Variants in JAK1 observed in about 807,000 individuals in gnomAD.
JAK1 encodes Janus kinase 1.
Under a neutral mutation model 136.6 loss-of-function variants are expected in JAK1, and 16 were observed. The ratio of observed to expected loss-of-function variants is 0.12; its 90% CI spans 0.08 to 0.18. The LOEUF is 0.18. JAK1 is among the 10% of genes least tolerant of loss of function. JAK1 has a pLI of 1.00. For synonymous variants in JAK1, 492 were observed against 519.5 expected, an observed-to-expected ratio of 0.95 and a Z score of 0.72; for missense variants, 859 against 1,450.1, an observed-to-expected ratio of 0.59 and a Z score of 6.62.
chr1:65,001,330 C>CTTTTA (rs1646754385), intron 2 of JAK1, among the ~76,000 whole-genome samples: 2 of 152,356 alleles, frequency 1.3e-5, no homozygotes, highest in Admixed American at 6.5e-5. Context: ...GGCCCAGCCT[C>CTTTTA]CGCCAGCAGA....
At chr1:64,897,237 C>A (rs1171353442) in intron 1 of JAK1, among the ~76,000 whole-genome samples, 1 of 151,548 alleles carries the variant, frequency 6.6e-6, no homozygotes. Context: ...TGAGACCAGC[C>A]TGGCCAACAT....
intron 1 of JAK1, among the ~76,000 whole-genome samples, chr1:64,928,788 A>AAAAACC (rs1553170009): frequency 2.3e-3 from 208 of 90,598 alleles, no homozygotes; most frequent in African/African-American, 9.5e-3. Flanking sequence ...CAAAAAAAAA[A>AAAAACC]AAAAAAAACA....
chr1:64,968,304 A>G (rs1251485419), upstream of JAK1, among the ~76,000 whole-genome samples: 1 of 152,136 alleles, frequency 6.6e-6, no homozygotes, highest in Non-Finnish European at 1.5e-5. Flanking sequence ...GAAAAAAAAA[A>G]TAGACTAGGT....
chr1:64,951,313 T>G (rs1167341119), intron 1 of JAK1, among the ~76,000 whole-genome samples: 1 of 152,186 alleles, frequency 6.6e-6, no homozygotes, highest in African/African-American at 2.4e-5. Flanking sequence ...TGTGTGGCAA[T>G]ATTCCTCTTT....
intron 2 of JAK1, 136 bp from the exon 3 acceptor site, chr1:64,883,611 T>G: frequency 1.6e-6 from 1 of 625,362 alleles, no homozygotes; most frequent in Non-Finnish European, 2.8e-6. Context: ...CCCTGCCCCT[T>G]CCCTTCCTGG....
chr1:64,963,673 C>T (rs1220656931), intron 1 of JAK1, among the ~76,000 whole-genome samples: 2 of 152,100 alleles, frequency 1.3e-5, no homozygotes, highest in Admixed American at 1.3e-4. Flanking sequence ...GACTTCCCCC[C>T]AAAACTCTGC....
intron 2 of JAK1, among the ~76,000 whole-genome samples, chr1:65,016,853 G>A (rs554542506): frequency 1.1e-4 from 16 of 152,194 alleles, no homozygotes; most frequent in South Asian, 6.2e-4. Flanking sequence ...AGCCGAGATC[G>A]CGCCACTGCC....
chr1:64,968,478 G>A (rs568196418), upstream of JAK1, among the ~76,000 whole-genome samples: 15 of 152,242 alleles, frequency 9.9e-5, no homozygotes, highest in South Asian at 6.2e-4. Flanking sequence ...AGGAGGTAGC[G>A]GCATATTCAG....
chr1:65,004,412 G>C (rs972837986), intron 2 of JAK1, among the ~76,000 whole-genome samples: 1 of 152,168 alleles, frequency 6.6e-6, no homozygotes, highest in Non-Finnish European at 1.5e-5. Context: ...GAAACTGCTG[G>C]ACTCGTGAGT....
chr1:64,981,279 A>G (rs1451807770), intron 2 of JAK1, among the ~76,000 whole-genome samples: 2 of 152,264 alleles, frequency 1.3e-5, no homozygotes, highest in South Asian at 2.1e-4. Flanking sequence ...CACAGTATTT[A>G]TTGCCTACAT....
chr1:64,889,956 A>G (rs1644910643), intron 1 of JAK1, among the ~76,000 whole-genome samples: 1 of 152,250 alleles, frequency 6.6e-6, no homozygotes. Flanking sequence ...CTATGGATAT[A>G]AAAGAAACCA....
At position 64,886,296 on chromosome 1, in the gene JAK1, A is replaced by C; in HGVS notation, c.-32T>G. 1 of 1,594,256 alleles carries C rather than the reference A, an allele frequency of 6.3e-7. No homozygotes were observed. The highest frequency in any genetic ancestry group is 8.5e-7 in the Non-Finnish European group (1 of 1,173,538). Reference sequence around the variant, plus strand: ...AGCTGTCCAGTGTTCTCCAAGAAGCAAACTGGATTTTCTTCTCTACTTTCC... The same window carrying C: ...AGCTGTCCAGTGTTCTCCAAGAAGCCAACTGGATTTTCTTCTCTACTTTCC... On this transcript the variant is annotated 5_prime_UTR_variant, in exon 2 of 25. Transcript: ENST00000342505.
At chr1:65,024,568 A>C (rs985527000) in intron 2 of JAK1, among the ~76,000 whole-genome samples, 1 of 149,984 alleles carries the variant, frequency 6.7e-6, no homozygotes, top group East Asian at 2.0e-4. Flanking sequence ...CCCAACCTAC[A>C]TTATTAGCTT....
chr1:65,028,959 A>T (rs1251637990), intron 2 of JAK1, among the ~76,000 whole-genome samples: 1 of 152,264 alleles, frequency 6.6e-6, no homozygotes, highest in Non-Finnish European at 1.5e-5. Flanking sequence ...ATTTGATAGT[A>T]AAAATATGAA....
intron 1 of JAK1, among the ~76,000 whole-genome samples, chr1:64,887,053 C>A (rs1644863360): frequency 6.6e-6 from 1 of 152,124 alleles, no homozygotes; most frequent in African/African-American, 2.4e-5. Flanking sequence ...TCTGAGGCCA[C>A]GAGGCCAGCA....
chr1:64,894,399 T>A (rs1644982835), intron 1 of JAK1, among the ~76,000 whole-genome samples: 1 of 152,216 alleles, frequency 6.6e-6, no homozygotes, highest in Non-Finnish European at 1.5e-5. Context: ...ATGGCAAATG[T>A]CCATTTCAGT....
intron 11 of JAK1, among the ~76,000 whole-genome samples, chr1:64,854,283 G>C (rs1655785082): frequency 6.6e-6 from 1 of 152,156 alleles, no homozygotes; most frequent in African/African-American, 2.4e-5. Flanking sequence ...GGAAGAACAA[G>C]ATGTGTCCCA....
intron 2 of JAK1, among the ~76,000 whole-genome samples, chr1:65,021,477 T>G (rs1301334464): frequency 6.6e-6 from 1 of 152,184 alleles, no homozygotes; most frequent in Non-Finnish European, 1.5e-5. Context: ...AAGATGCTTT[T>G]GCCTATTTTC....
Position 64,883,360 on chromosome 1 carries a change from T to C in JAK1, c.122A>G (p.Tyr41Cys). 1 of 1,614,206 alleles carries C rather than the reference T, an allele frequency of 6.2e-7. No homozygotes were observed. Among genetic ancestry groups the C allele is most frequent in the Non-Finnish European group, 8.5e-7 (1 of 1,180,020 alleles). ...APEPGVEVIF[Y>C]LSDREPLRLG... ...CCGGAGGGGCTCCCTGTCCGACAGATAGAAGATCACTTCCACCCCTGGCTC... is the reference window on the plus strand; with the variant it reads ...CCGGAGGGGCTCCCTGTCCGACAGACAGAAGATCACTTCCACCCCTGGCTC... Residue 41 changes from tyrosine to cysteine, a missense_variant, in exon 3 of 25, where the codon TAT becomes TGT. By Grantham distance (194) the Tyr-to-Cys change is radical. Transcript: ENST00000342505.
Sources: allele counts gnomAD v4.1 joint callset (sites outside exome capture counted in the v4.1 genomes callset), GRCh38; gene constraint gnomAD v4.1.1; transcripts MANE v1.5; gene names NCBI Gene and HGNC (gene_info 2026-07-23, HGNC 2026-07-21).